ENOSF1: variants seen among roughly 807,000 people sequenced by gnomAD.
The protein encoded by ENOSF1 is mitochondrial enolase superfamily member 1.
ENOSF1 carries 73 observed loss-of-function variants against 68.2 expected under a neutral mutation model. The ratio of observed to expected loss-of-function variants is 1.07; its 90% CI spans 0.89 to 1.30. The LOEUF (loss-of-function observed/expected upper bound fraction) is 1.30. Ranked by LOEUF, ENOSF1 falls within the 50% of genes most tolerant of loss-of-function variation. ENOSF1 has a pLI of 0.00. For synonymous variants in ENOSF1, 223 were observed against 210.4 expected (o/e 1.06, Z -0.52); for missense variants, 589 against 554.5 (o/e 1.06, Z -0.62).
chr18:677,388 T>C lies in ENOSF1; in HGVS notation c.1105A>G (p.Ile369Val), dbSNP rs1216933179. ...VGLCELVQHL[I>V]IFDYISVSAS... The stretch of plus-strand genomic sequence containing the variant: ...GAAACTGATATGTAGTCAAATATAA[T>C]CAGGTGCTGCACCAGTTCACAGAGG... Residue 369 changes from isoleucine to valine, a missense_variant, in exon 14 of 16, where the codon ATT (isoleucine) becomes GTT (valine). Coordinates refer to ENST00000647584, the MANE Select transcript of ENOSF1 (RefSeq NM_017512.7). 1 of 1,613,614 alleles carries C rather than the reference T, an allele frequency of 6.2e-7. No individual in the cohort carries two copies. The highest frequency in any genetic ancestry group is 8.5e-7 in the Non-Finnish European group (1 of 1,179,958).
downstream of ENOSF1, among the ~76,000 whole-genome samples, chr18:668,018 CAG>C (rs1418292232): frequency 1.7e-4 from 12 of 71,948 alleles, no homozygotes; most frequent in Admixed American, 1.2e-3. Context: ...TTTTAATGCA[CAG>C]AAAGTTTCCC....
At chr18:677,521 T>C in intron 13 of ENOSF1, 77 bp from the exon 14 acceptor site, 1 of 1,357,116 alleles carries the variant, frequency 7.4e-7, no homozygotes, top group East Asian at 2.3e-5. Flanking sequence ...TTTCTGGTTT[T>C]TCTTATTGCC....
chr18:673,092 A>G lies in ENOSF1; in HGVS notation c.*1213T>C. 7.4e-7 allele frequency: 1 copy of G among 1,345,104 alleles called. No individual in the cohort carries two copies. Among genetic ancestry groups the G allele is most frequent in the East Asian group, 2.3e-5 (1 of 42,868 alleles). The allele number at this position is 1,345,104 out of a possible 1,614,324, so 83.3% of individuals were successfully genotyped here. On this transcript the variant is annotated 3_prime_UTR_variant, in exon 16 of 16. Transcript: ENST00000647584. ...TCTTTTTGCTCTAAAAGAAAAAGGA[A>G]CTAGGTCAAAAATCTGTCCGTGACC...
downstream of ENOSF1, among the ~76,000 whole-genome samples, chr18:667,151 ATGGTGATGGAGATGGTGATGGTGATGGT>A: frequency 1.0e-5 from 1 of 99,734 alleles, no homozygotes; most frequent in Non-Finnish European, 1.9e-5. Flanking sequence ...GGTGATGGTG[ATGGTGATGGAGATGGTGATGGTGATGGT>A]GATGGTGATG....
chr18:680,935 T>C (rs1230931415), intron 11 of ENOSF1, among the ~76,000 whole-genome samples: 1 of 151,972 alleles, frequency 6.6e-6, no homozygotes, highest in African/African-American at 2.4e-5. Context: ...AAGCTCCTCC[T>C]CCTGGGTTCA....
chr18:707,029 G>A (rs2079022090), intron 1 of ENOSF1, among the ~76,000 whole-genome samples: 1 of 151,938 alleles, frequency 6.6e-6, no homozygotes, highest in African/African-American at 2.4e-5. Flanking sequence ...ATGTTGGCCA[G>A]GCTGGTCTTG....
intron 11 of ENOSF1, among the ~76,000 whole-genome samples, chr18:679,259 G>C (rs994251755): frequency 2.0e-5 from 3 of 149,384 alleles, no homozygotes; most frequent in African/African-American, 7.4e-5. Context: ...ACCCAAGCTG[G>C]AGTGCAGTGG....
At chr18:688,508 G>A (rs1598635206) in intron 9 of ENOSF1, 66 bp downstream of exon 9, 4 of 1,611,898 alleles carry the variant, frequency 2.5e-6, no homozygotes, top group East Asian at 2.2e-5. Context: ...TCCCTGCCAG[G>A]AGAGACTTAC....
chr18:687,991 AC>A (rs1432753636), intron 9 of ENOSF1: 3 of 153,466 alleles, frequency 2.0e-5, no homozygotes, highest in African/African-American at 7.2e-5. Flanking sequence ...ACATAGCGAA[AC>A]CCTGTCTCTA....
At chr18:666,897 T>TGATGGA (rs1188657352), downstream of ENOSF1, among the ~76,000 whole-genome samples, 64 of 48,208 alleles carry the variant, frequency 1.3e-3, 15 homozygotes, top group East Asian at 0.011. Context: ...CGGGAGATGG[T>TGATGGA]GATGGAGATG....
downstream of ENOSF1, among the ~76,000 whole-genome samples, chr18:667,549 ATGGAGATGGTGATGGTGATGGAGATGGT>A (rs1193597034): frequency 1.1e-5 from 1 of 87,016 alleles, no homozygotes; most frequent in East Asian, 4.6e-4. Context: ...GGTGATGGTG[ATGGAGATGGTGATGGTGATGGAGATGGT>A]GATGGTGATG....
At chr18:690,008 T>TGA (rs1367958462) in intron 8 of ENOSF1, among the ~76,000 whole-genome samples, 1 of 152,118 alleles carries the variant, frequency 6.6e-6, no homozygotes, top group Non-Finnish European at 1.5e-5. Context: ...GCTTCCAGGT[T>TGA]GGTGAACACG....
At chr18:678,262 G>A (rs1049361615) in intron 12 of ENOSF1, 16 of 273,814 alleles carry the variant, frequency 5.8e-5, no homozygotes, top group African/African-American at 2.7e-4. Context: ...TCCTTTTGCC[G>A]GGAAAACTGA....
chr18:702,039 G>C (rs976574112), intron 2 of ENOSF1, among the ~76,000 whole-genome samples: 1 of 151,876 alleles, frequency 6.6e-6, no homozygotes, highest in Non-Finnish European at 1.5e-5. Flanking sequence ...TGAGGCAGGC[G>C]GATTGCTTGA....
At chr18:677,486 G>C in intron 13 of ENOSF1, 42 bp from the exon 14 acceptor site, 1 of 1,545,170 alleles carries the variant, frequency 6.5e-7, no homozygotes, top group Non-Finnish European at 8.9e-7. Flanking sequence ...GAGTAGGGCA[G>C]GGAGAGGAAG....
chr18:692,857 A>G (rs2077341026), intron 5 of ENOSF1: 4 of 1,085,674 alleles, frequency 3.7e-6, no homozygotes, highest in Non-Finnish European at 4.5e-6. Flanking sequence ...ACGATGTGAC[A>G]GCCTCCTGTC....
At chr18:668,981 G>GT (rs2074921540), downstream of ENOSF1, 8 of 1,074,688 alleles carry the variant, frequency 7.4e-6, no homozygotes, top group East Asian at 2.0e-4. Context: ...GGGACCCTGG[G>GT]TAAGAGACTG....
At chr18:686,529 G>A (rs2076623299) in intron 9 of ENOSF1, 2 of 154,144 alleles carry the variant, frequency 1.3e-5, no homozygotes, top group African/African-American at 4.8e-5. Flanking sequence ...AGGTAACTAG[G>A]GAATAGCAGA....
In ENOSF1 at chr18:683,095, C is replaced by T. The variant is rs1192674754; in HGVS notation, c.876+151G>A. The T allele has an allele frequency of 2.2e-5, 20 of 896,806 alleles. No individual in the cohort carries two copies. In the East Asian group the frequency reaches 5.4e-4, roughly 24 times the overall value. 55.6% of individuals were successfully genotyped at this position (896,806 alleles called of 1,614,324 possible). A position where few individuals can be genotyped will look rare whatever the true frequency, so the allele number is the denominator to read the frequency against. On this transcript the variant is annotated intron_variant, in intron 11 of 15. Transcript: ENST00000647584. ...GAAAAAGGAATGTCAGGTCTGTAAC[C>T]CCTGTATTTGTCACACATTACAATT...
Sources: gnomAD v4.1 joint callset for allele counts (sites outside exome capture counted in the v4.1 genomes callset) on GRCh38, gnomAD v4.1.1 for gene constraint, MANE v1.5 for transcripts, NCBI Gene and HGNC (gene_info 2026-07-23, HGNC 2026-07-21) for gene names.